INSYN2A: variants seen among roughly 807,000 people sequenced by gnomAD.
The protein encoded by INSYN2A is inhibitory synaptic factor 2A.
INSYN2A carries 17 observed loss-of-function variants against 39.4 expected under a neutral mutation model. The ratio of observed to expected loss-of-function variants is 0.43; its 90% confidence interval spans 0.30 to 0.65. The LOEUF is 0.65. Among genes scored for constraint, INSYN2A ranks in the 30% least tolerant of loss-of-function variants. The probability of loss-of-function intolerance (pLI) is 0.14; values close to 1 mark genes in which losing one functional copy is unlikely to be tolerated. For missense variants in INSYN2A, 595 were observed against 631.2 expected, an observed-to-expected ratio of 0.94 and a Z score of 0.61; for synonymous variants, 255 against 265.7, an observed-to-expected ratio of 0.96 and a Z score of 0.39.
chr10:127,163,368 T>G lies in INSYN2A; in HGVS notation c.1185-9445A>C, dbSNP rs575329847. Among the ~76,000 whole-genome samples, 13 of 152,176 alleles carry G rather than the reference T, an allele frequency of 8.5e-5. No homozygotes were observed. The East Asian group carries it at 1.2e-3, about 14-fold the overall frequency. ...TATCGCCATGGAGTATACCGGGAGCTGTAGCTATTTCGCTTTCCCTGTCTC... is the reference window on the plus strand; with the variant it reads ...TATCGCCATGGAGTATACCGGGAGCGGTAGCTATTTCGCTTTCCCTGTCTC... On this transcript the variant is annotated intron_variant, in intron 4 of 5. Transcript: ENST00000522781.
chr10:127,192,128 C>A (rs908566700), intron 2 of INSYN2A, among the ~76,000 whole-genome samples: 14 of 152,132 alleles, frequency 9.2e-5, no homozygotes, highest in Non-Finnish European at 1.9e-4. Flanking sequence ...GTATGCTGTG[C>A]AGAGATGTAA....
intron 4 of INSYN2A, among the ~76,000 whole-genome samples, chr10:127,172,051 A>G (rs1320855879): frequency 2.0e-5 from 3 of 152,222 alleles, no homozygotes; most frequent in African/African-American, 7.2e-5. Flanking sequence ...GTCGTATCAT[A>G]TAATAACTAT....
chr10:127,142,192 G>A (rs968627848), intron 5 of INSYN2A, among the ~76,000 whole-genome samples: 7 of 152,344 alleles, frequency 4.6e-5, no homozygotes, highest in South Asian at 2.1e-4. Context: ...CAGACGTGCT[G>A]TGTGCACCTG....
chr10:127,188,425 A>G (rs2056472517), intron 2 of INSYN2A, among the ~76,000 whole-genome samples: 1 of 152,222 alleles, frequency 6.6e-6, no homozygotes, highest in Non-Finnish European at 1.5e-5. Flanking sequence ...CAAAACATTT[A>G]GAATTCTGTT....
At chr10:127,146,211 C>A (rs2133375387) in intron 5 of INSYN2A, 1 of 289,384 alleles carries the variant, frequency 3.5e-6, no homozygotes, top group East Asian at 1.2e-4. Context: ...GGGGTATAAC[C>A]AAAGGCTGGG....
chr10:127,188,068 G>T (rs1295655152), intron 2 of INSYN2A, among the ~76,000 whole-genome samples: 1 of 152,180 alleles, frequency 6.6e-6, no homozygotes, highest in African/African-American at 2.4e-5. Context: ...ATGAGTGAAT[G>T]TCACGGGGGA....
chr10:127,180,311 T>C (rs763234528), intron 2 of INSYN2A, among the ~76,000 whole-genome samples: 9 of 152,238 alleles, frequency 5.9e-5, no homozygotes, highest in Non-Finnish European at 1.2e-4. Flanking sequence ...GGATTCTTCA[T>C]GATGGCTTGC....
At chr10:127,171,475 G>T (rs1435499680) in intron 4 of INSYN2A, among the ~76,000 whole-genome samples, 1 of 152,190 alleles carries the variant, frequency 6.6e-6, no homozygotes, top group Non-Finnish European at 1.5e-5. Flanking sequence ...CTTAAGTATA[G>T]TGTGGAAATG....
chr10:127,145,495 G>C (rs769010870), intron 5 of INSYN2A, among the ~76,000 whole-genome samples: 2 of 152,152 alleles, frequency 1.3e-5, no homozygotes, highest in Non-Finnish European at 2.9e-5. Context: ...CAGAAACTGT[G>C]TTATAACTGC....
intron 5 of INSYN2A, among the ~76,000 whole-genome samples, chr10:127,145,045 C>A (rs143410838): frequency 4.6e-5 from 7 of 152,278 alleles, no homozygotes; most frequent in Admixed American, 6.5e-5. Context: ...TTTCCAAATG[C>A]ATCTTGGATG....
At chr10:127,143,113 C>T (rs553513069) in intron 5 of INSYN2A, among the ~76,000 whole-genome samples, 56 of 152,288 alleles carry the variant, frequency 3.7e-4, no homozygotes, top group African/African-American at 1.3e-3. Context: ...AATACTCAGG[C>T]CCTGCCACAG....
chr10:127,162,722 C>A, intron 4 of INSYN2A, among the ~76,000 whole-genome samples: 1 of 151,946 alleles, frequency 6.6e-6, no homozygotes, highest in East Asian at 1.9e-4. Context: ...AATCATAGAC[C>A]TTAATGGACT....
intron 5 of INSYN2A, among the ~76,000 whole-genome samples, chr10:127,148,884 T>A (rs1564842157): frequency 6.6e-6 from 1 of 152,084 alleles, no homozygotes; most frequent in Non-Finnish European, 1.5e-5. Context: ...ACAGTCGGTC[T>A]GCATCACAAC....
chr10:127,174,065 C>T (rs2054835272), intron 4 of INSYN2A, among the ~76,000 whole-genome samples: 1 of 152,202 alleles, frequency 6.6e-6, no homozygotes, highest in Non-Finnish European at 1.5e-5. Context: ...CCATTCTTTG[C>T]AGTCAGCAAA....
In INSYN2A at chr10:127,176,800, C is replaced by T. The variant is rs555872264; in HGVS notation, c.-6+77G>A. 3.7e-5 allele frequency: 6 copies of T among 162,406 alleles called. No homozygotes were observed. The highest frequency in any genetic ancestry group is 6.7e-5 in the Non-Finnish European group (5 of 75,148). The allele number at this position is 162,406 out of a possible 1,614,324, so 10.1% of individuals were successfully genotyped here. A position where few individuals can be genotyped will look rare whatever the true frequency, so the allele number is the denominator to read the frequency against. ...TACCAAGTGCTACTTATTTGGTTTG[C>T]GTTTTGACTATTTTTTGAGGATGAC... On this transcript the variant is annotated intron_variant, in intron 3 of 5. Coordinates refer to ENST00000522781, the MANE Select transcript of INSYN2A (RefSeq NM_001039762.3). The surrounding 1 kb of genome is among the most constrained non-coding windows in gnomAD (Gnocchi z 4.4).
At chr10:127,195,543 A>C (rs1264726048) in intron 1 of INSYN2A, among the ~76,000 whole-genome samples, 1 of 147,286 alleles carries the variant, frequency 6.8e-6, no homozygotes, top group African/African-American at 2.5e-5. Flanking sequence ...GAAGTTAATC[A>C]GCCGTACTTG....
intron 2 of INSYN2A, among the ~76,000 whole-genome samples, chr10:127,181,334 A>G (rs1416135882): frequency 6.6e-6 from 1 of 152,192 alleles, no homozygotes; most frequent in East Asian, 1.9e-4. Flanking sequence ...TCTGAAGGCA[A>G]TTTTGTGGGG....
At chr10:127,171,263 G>A (rs2054545839) in intron 4 of INSYN2A, among the ~76,000 whole-genome samples, 1 of 152,234 alleles carries the variant, frequency 6.6e-6, no homozygotes, top group Admixed American at 6.5e-5. Context: ...GTTGTAGCCA[G>A]TGACACAGAA....
chr10:127,155,795 C>T (rs1000568917), intron 4 of INSYN2A, among the ~76,000 whole-genome samples: 12 of 152,148 alleles, frequency 7.9e-5, no homozygotes, highest in Non-Finnish European at 1.3e-4. Context: ...TACTGGAGCT[C>T]GGCTCTAAGC....
Sources: gnomAD v4.1 joint callset for allele counts (sites outside exome capture counted in the v4.1 genomes callset) on GRCh38, gnomAD v4.1.1 for gene constraint, Gnocchi (gnomAD v3.1) non-coding constraint, MANE v1.5 for transcripts, NCBI Gene and HGNC (gene_info 2026-07-23, HGNC 2026-07-21) for gene names.